The following ESRP1 variants were observed in gnomAD, a reference collection of about 807,000 sequenced individuals.
The protein encoded by ESRP1 is epithelial splicing regulatory protein 1.
In ESRP1, 33 loss-of-function variants were observed where a neutral mutation model predicts 81.7. That is an observed-to-expected ratio of 0.40 (90% CI 0.31 to 0.54). ESRP1 has a LOEUF of 0.54. Among genes scored for constraint, ESRP1 ranks in the 20% least tolerant of loss-of-function variants. The pLI is 0.41. For missense variants in ESRP1, 672 were observed against 833.1 expected (o/e 0.81, Z 2.38); for synonymous variants, 320 against 303.3 (o/e 1.06, Z -0.57).
chr8:94,652,173 G>A (rs1818175917), intron 4 of ESRP1, among the ~76,000 whole-genome samples: 1 of 150,500 alleles, frequency 6.6e-6, no homozygotes, highest in African/African-American at 2.4e-5. Context: ...TTTTTAGTAG[G>A]TACGGGGTTT....
chr8:94,688,479 G>C (rs1292930527), intron 13 of ESRP1: 1 of 237,812 alleles, frequency 4.2e-6, no homozygotes, highest in African/African-American at 2.3e-5. Flanking sequence ...CAAAGATCTA[G>C]AAAAGTGGCA....
At chr8:94,671,789 A>T in intron 11 of ESRP1, 118 bp downstream of exon 11, 1 of 624,948 alleles carries the variant, frequency 1.6e-6, no homozygotes, top group Non-Finnish European at 2.5e-6. Context: ...TTAGTCTTTG[A>T]TAAATAAAAT....
chr8:94,644,349 A>C (rs1045296310), intron 3 of ESRP1, among the ~76,000 whole-genome samples: 5 of 152,166 alleles, frequency 3.3e-5, no homozygotes, highest in Non-Finnish European at 7.4e-5. Context: ...CTTGCAATGA[A>C]AGATGTAGAC....
chr8:94,696,208 T>C (rs974976225), intron 14 of ESRP1, among the ~76,000 whole-genome samples: 2 of 152,226 alleles, frequency 1.3e-5, no homozygotes, highest in Admixed American at 1.3e-4. Context: ...GTGTGTATAT[T>C]TTAGATGATG....
intron 15 of ESRP1, among the ~76,000 whole-genome samples, chr8:94,700,033 G>A (rs532016463): frequency 1.3e-4 from 20 of 152,260 alleles, no homozygotes; most frequent in African/African-American, 4.8e-4. Context: ...GGCATCATGG[G>A]CCCATTTGAC....
Position 94,706,741 on chromosome 8 carries a change from G to T in ESRP1, c.*852G>T, listed in dbSNP as rs186782642. On this transcript the variant is annotated 3_prime_UTR_variant, in exon 16 of 16. Coordinates refer to ENST00000433389, the MANE Select transcript of ESRP1 (RefSeq NM_017697.4). ...ATTGATGGTTTGGACTTTAATAAGA[G>T]AAATTCCATAGTTTTTAATATCCCA... The T allele has an allele frequency of 3.3e-5, 5 of 152,482 alleles. No homozygotes were observed. The East Asian group carries it at 9.6e-4, about 29-fold the overall frequency. The allele number at this position is 152,482 out of a possible 1,614,324, so 9.4% of individuals were successfully genotyped here. A position where few individuals can be genotyped will look rare whatever the true frequency, so the allele number is the denominator to read the frequency against.
chr8:94,690,546 AATAAGG>A (rs1809361003), intron 13 of ESRP1, among the ~76,000 whole-genome samples: 1 of 152,150 alleles, frequency 6.6e-6, no homozygotes, highest in African/African-American at 2.4e-5. Flanking sequence ...AGCTGTGAAA[AATAAGG>A]ATAAGAATCC....
chr8:94,678,194 C>A lies in ESRP1; in HGVS notation c.1652-9C>A. The A allele has an allele frequency of 6.2e-7, 1 of 1,613,162 alleles. No homozygotes were observed. Among genetic ancestry groups the A allele is most frequent in the Non-Finnish European group, 8.5e-7 (1 of 1,179,482 alleles). ...ATATGTCTCAAAGAATCTCTCTTTGCATATCTAGGCCTGTCTCCTCCCTCC... is the reference window on the plus strand; with the variant it reads ...ATATGTCTCAAAGAATCTCTCTTTGAATATCTAGGCCTGTCTCCTCCCTCC... On this transcript the variant is annotated splice_polypyrimidine_tract_variant and intron_variant, in intron 12 of 15. Coordinates refer to ENST00000433389, the MANE Select transcript of ESRP1 (RefSeq NM_017697.4).
At chr8:94,674,195 G>C in intron 11 of ESRP1, 113 bp from the exon 12 acceptor site, 2 of 1,186,332 alleles carry the variant, frequency 1.7e-6, no homozygotes, top group South Asian at 2.9e-5. Flanking sequence ...CGGATTTTGT[G>C]GCTAAAATAT....
At chr8:94,691,429 C>T (rs1029423853) in intron 13 of ESRP1, among the ~76,000 whole-genome samples, 34 of 152,108 alleles carry the variant, frequency 2.2e-4, no homozygotes, top group Admixed American at 1.6e-3. Flanking sequence ...ATGATGGTGA[C>T]GGAAATAGCA....
At chr8:94,676,746 C>T (rs1296413263) in intron 12 of ESRP1, among the ~76,000 whole-genome samples, 8 of 151,852 alleles carry the variant, frequency 5.3e-5, no homozygotes, top group African/African-American at 1.4e-4. Context: ...GATCTGCCCG[C>T]TTCGGCCTCC....
intron 11 of ESRP1, among the ~76,000 whole-genome samples, chr8:94,672,104 G>A (rs556685423): frequency 2.0e-5 from 3 of 152,272 alleles, no homozygotes; most frequent in East Asian, 3.9e-4. Flanking sequence ...CAACTCTGCT[G>A]TAGTGTTACA....
At chr8:94,679,269 A>T (rs1808771135) in intron 13 of ESRP1, among the ~76,000 whole-genome samples, 1 of 152,234 alleles carries the variant, frequency 6.6e-6, no homozygotes, top group African/African-American at 2.4e-5. Context: ...GAAGAAAAAT[A>T]AGAAAAAGGC....
At chr8:94,686,487 C>A (rs1809146147) in intron 13 of ESRP1, among the ~76,000 whole-genome samples, 1 of 152,152 alleles carries the variant, frequency 6.6e-6, no homozygotes, top group African/African-American at 2.4e-5. Context: ...CTCTCACATC[C>A]CTTCAGCTCT....
At chr8:94,693,940 T>G (rs1160793044) in intron 14 of ESRP1, among the ~76,000 whole-genome samples, 1 of 152,170 alleles carries the variant, frequency 6.6e-6, no homozygotes, top group Non-Finnish European at 1.5e-5. Flanking sequence ...AGTGAAAAGC[T>G]GAAGGAAGGT....
At chr8:94,671,064 C>G (rs918313152) in intron 10 of ESRP1, among the ~76,000 whole-genome samples, 1 of 152,174 alleles carries the variant, frequency 6.6e-6, no homozygotes, top group African/African-American at 2.4e-5. Context: ...CTACAAAAGT[C>G]CACATTTAGT....
chr8:94,654,278 A>T (rs1047154541), intron 4 of ESRP1, among the ~76,000 whole-genome samples: 7 of 152,172 alleles, frequency 4.6e-5, no homozygotes, highest in African/African-American at 1.4e-4. Flanking sequence ...AGATCGCACC[A>T]TTTTACCCTA....
At chr8:94,704,720 C>A (rs1809986637) in intron 15 of ESRP1, among the ~76,000 whole-genome samples, 1 of 141,836 alleles carries the variant, frequency 7.1e-6, no homozygotes, top group Non-Finnish European at 1.5e-5. Context: ...CTGATCTCAC[C>A]ACTGTACTCC....
rs1436140711 is a variant in ESRP1, at chr8:94,706,221, G to A, written c.*332G>A. On this transcript the variant is annotated 3_prime_UTR_variant, in exon 16 of 16. Transcript: ENST00000433389. ...TTCCAGTTAAAGTGGCATCATAGGT[G>A]TTTCCTAAGTTTTAAGTCTTGGATA... 14 of 372,164 alleles carry A rather than the reference G, an allele frequency of 3.8e-5. No individual in the cohort carries two copies. Among genetic ancestry groups the A allele is most frequent in the Admixed American group, 1.7e-4 (4 of 22,910 alleles). 23.1% of individuals were successfully genotyped at this position (372,164 alleles called of 1,614,324 possible).
Sources: gnomAD v4.1 joint callset for allele counts (sites outside exome capture counted in the v4.1 genomes callset) on GRCh38, gnomAD v4.1.1 for gene constraint, MANE v1.5 for transcripts, NCBI Gene and HGNC (gene_info 2026-07-23, HGNC 2026-07-21) for gene names.